Variants in SOX5 observed in about 807,000 individuals in gnomAD.
SOX5 encodes the protein transcription factor SOX-5.
In SOX5, 9 loss-of-function variants were observed where a neutral mutation model predicts 92.0. The observed-to-expected ratio is 0.10, with a 90% CI of 0.06 to 0.17. SOX5 has a LOEUF of 0.17. Ranked by LOEUF, SOX5 falls within the 10% of genes least tolerant of loss-of-function variation. The pLI, the probability that SOX5 is intolerant of heterozygous loss-of-function variation, is 1.00. For synonymous variants in SOX5, 344 were observed against 336.3 expected, an observed-to-expected ratio of 1.02 and a Z score of -0.25; for missense variants, 642 against 944.5, an observed-to-expected ratio of 0.68 and a Z score of 4.20.
At chr12:23,686,899 A>G (rs2087694594) in intron 6 of SOX5, among the ~76,000 whole-genome samples, 1 of 152,106 alleles carries the variant, frequency 6.6e-6, no homozygotes, top group African/African-American at 2.4e-5. Flanking sequence ...AATAGAACAA[A>G]TTCCAGGGAT....
At chr12:24,525,361 G>T (rs915480452) in intron 1 of SOX5, among the ~76,000 whole-genome samples, 2 of 152,150 alleles carry the variant, frequency 1.3e-5, no homozygotes, top group African/African-American at 4.8e-5. Flanking sequence ...GTGGAATGGA[G>T]GTTGCCAGAG....
intron 2 of SOX5, among the ~76,000 whole-genome samples, chr12:23,877,201 TA>T (rs2096937170): frequency 6.6e-6 from 1 of 152,212 alleles, no homozygotes; most frequent in Non-Finnish European, 1.5e-5. Context: ...TTCAAAGTGT[TA>T]AAGGACTTAT....
At chr12:24,515,379 A>G (rs903529496) in intron 1 of SOX5, among the ~76,000 whole-genome samples, 3 of 152,150 alleles carry the variant, frequency 2.0e-5, no homozygotes, top group African/African-American at 7.2e-5. Context: ...AGTGACACTA[A>G]TTATATTTAA....
Position 24,128,597 on chromosome 12 carries a change from C to G in SOX5, c.-2+84746G>C, listed in dbSNP as rs78636371. ...GATGTGAGAAGGGGGCGGTTCTACA[C>G]AGTGGGAACAGTGTATGCAAAGGCC... On this transcript the variant is annotated intron_variant, in intron 4 of 4. Transcript: ENST00000446891. Among the ~76,000 whole-genome samples the G allele has an allele frequency of 2.6e-3, 398 of 152,282 alleles. 2 individuals carry two copies. Among genetic ancestry groups the G allele is most frequent in the African/African-American group, 9.1e-3 (378 of 41,562 alleles).
intron 2 of SOX5, among the ~76,000 whole-genome samples, chr12:23,850,627 T>C (rs1403565012): frequency 6.6e-6 from 1 of 151,980 alleles, no homozygotes; most frequent in Non-Finnish European, 1.5e-5. Context: ...TAATCTCTTC[T>C]GCCAAATTAG....
At chr12:24,148,688 TAAAAAAAAAAAAAA>T (rs398018872) in intron 4 of SOX5, among the ~76,000 whole-genome samples, 1 of 70,950 alleles carries the variant, frequency 1.4e-5, no homozygotes, top group East Asian at 7.2e-4. Flanking sequence ...CCATCTCTAC[TAAAAAAAAAAAAAA>T]AAAAAAAAAA....
Position 23,739,681 on chromosome 12 carries a change from T to A in SOX5, c.741+1186A>T, listed in dbSNP as rs574890705. Among the ~76,000 whole-genome samples, 7 of 152,268 alleles carry A rather than the reference T, an allele frequency of 4.6e-5. No individual in the cohort carries two copies. In the South Asian group the frequency reaches 1.5e-3, roughly 32 times the overall value. On this transcript the variant is annotated intron_variant, in intron 5 of 14. Coordinates refer to ENST00000451604, the MANE Select transcript of SOX5 (RefSeq NM_006940.6). Reference sequence around the variant, plus strand: ...TTCTGCTTTCTTGTAATATTACCACTGTAAATTAAGGCCTATAAGCCTGCC... The same window carrying A: ...TTCTGCTTTCTTGTAATATTACCACAGTAAATTAAGGCCTATAAGCCTGCC...
chr12:23,619,213 T>C (rs536553664), intron 8 of SOX5, among the ~76,000 whole-genome samples: 2 of 152,156 alleles, frequency 1.3e-5, no homozygotes, highest in Non-Finnish European at 2.9e-5. Flanking sequence ...TTTGGCTCTT[T>C]GAGTATACAA....
At position 23,598,932 on chromosome 12, in the gene SOX5, C is replaced by T. The variant is rs1376728901; in HGVS notation, c.1164+5455G>A. On this transcript the variant is annotated intron_variant, in intron 9 of 14. Coordinates refer to ENST00000451604, the MANE Select transcript of SOX5 (RefSeq NM_006940.6). ...TCAATCAAGATGAATTTTGATTATC[C>T]TCTGATTTCTCGTACTGCTAGCATA... is the stretch of plus-strand genomic sequence containing the variant. 2.6e-5 allele frequency among the ~76,000 whole-genome samples: 4 copies of T among 152,034 alleles called. No individual in the cohort carries two copies. In the East Asian group the frequency reaches 5.8e-4, roughly 22 times the overall value.
intron 3 of SOX5, among the ~76,000 whole-genome samples, chr12:23,800,187 T>C (rs1468943279): frequency 6.6e-6 from 1 of 152,106 alleles, no homozygotes; most frequent in African/African-American, 2.4e-5. Flanking sequence ...AGAAGAATAT[T>C]TTACAATATG....
intron 3 of SOX5, among the ~76,000 whole-genome samples, chr12:24,255,428 A>G (rs891040453): frequency 1.3e-5 from 2 of 152,152 alleles, no homozygotes; most frequent in South Asian, 4.1e-4. Context: ...TTTTTAGCAA[A>G]CCTTTAAGTA....
At chr12:24,118,242 A>C (rs1948265590) in intron 4 of SOX5, among the ~76,000 whole-genome samples, 1 of 152,124 alleles carries the variant, frequency 6.6e-6, no homozygotes, top group Admixed American at 6.5e-5. Context: ...CTAAAAGAAT[A>C]GATCATTAAC....
intron 2 of SOX5, among the ~76,000 whole-genome samples, chr12:24,295,799 C>T (rs1947153746): frequency 6.6e-6 from 1 of 152,112 alleles, no homozygotes; most frequent in Non-Finnish European, 1.5e-5. Context: ...AACTCCTGAC[C>T]TCAAGTGATC....
At position 24,053,140 on chromosome 12, in the gene SOX5, C is replaced by T. The variant is rs59171806; in HGVS notation, c.-1-157116G>A. On this transcript the variant is annotated intron_variant, in intron 4 of 4. Transcript: ENST00000446891. ...TGATATGTGGTATCCTGTAATGTTA[C>T]ACCTTTCCAGTAACTTTTGAAGCCA... Among the ~76,000 whole-genome samples the T allele has an allele frequency of 6.1e-3, 926 of 151,590 alleles. 10 individuals are homozygous for T. Among genetic ancestry groups the T allele is most frequent in the African/African-American group, 0.021 (881 of 41,368 alleles).
rs1326448448 is a variant in SOX5 at position 23,906,039 on chromosome 12, T to C, written c.39-10015A>G. ...AATAGAAATGATTAAGACTTTTAAG[T>C]ATCGAAGAGAAATTTCTTTTAAGTT... On this transcript the variant is annotated intron_variant, in intron 1 of 14. Transcript: ENST00000451604. Among the ~76,000 whole-genome samples, 142 of 152,206 alleles carry C rather than the reference T, an allele frequency of 9.3e-4. 6 individuals are homozygous for C. The highest frequency in any genetic ancestry group is 9.2e-3 in the Admixed American group (141 of 15,288).
At chr12:23,824,594 G>C (rs1260769376) in intron 3 of SOX5, among the ~76,000 whole-genome samples, 2 of 152,162 alleles carry the variant, frequency 1.3e-5, no homozygotes, top group East Asian at 3.9e-4. Context: ...AGGTGTCAGG[G>C]ACCCACTTTA....
chr12:24,142,334 C>T (rs2138677902), intron 4 of SOX5, among the ~76,000 whole-genome samples: 1 of 152,148 alleles, frequency 6.6e-6, no homozygotes, highest in East Asian at 1.9e-4. Context: ...GGGAGGGAGA[C>T]TTAGGGATTG....
rs12308151 is a variant in SOX5 at position 24,311,043 on chromosome 12, C to T, written c.-173-33731G>A. On this transcript the variant is annotated intron_variant, in intron 2 of 4. Coordinates refer to the SOX5 transcript ENST00000446891. ...CAAGAAGGTCACTTCTGCCTTTCTCCTAGGAAGCATGGTCATAAAAAAATT... is the reference window on the plus strand; with the variant it reads ...CAAGAAGGTCACTTCTGCCTTTCTCTTAGGAAGCATGGTCATAAAAAAATT... Among the ~76,000 whole-genome samples the T allele has an allele frequency of 1.4e-3, 213 of 152,198 alleles. 2 individuals are homozygous for T. Among genetic ancestry groups the T allele is most frequent in the African/African-American group, 3.8e-3 (159 of 41,538 alleles).
intron 1 of SOX5, among the ~76,000 whole-genome samples, chr12:24,512,819 T>C (rs546134875): frequency 6.6e-6 from 1 of 152,304 alleles, no homozygotes; most frequent in South Asian, 2.1e-4. Context: ...GGAGAACCTG[T>C]CAACCAGGGA....
Sources: allele counts gnomAD v4.1 joint callset (sites outside exome capture counted in the v4.1 genomes callset), GRCh38; gene constraint gnomAD v4.1.1; transcripts MANE v1.5; gene names NCBI Gene and HGNC (gene_info 2026-07-23, HGNC 2026-07-21).